The following DYRK1A variants were observed in gnomAD, a reference collection of about 807,000 sequenced individuals.
DYRK1A encodes dual specificity tyrosine-phosphorylation-regulated kinase 1A.
In DYRK1A, 9 loss-of-function variants were observed where a neutral mutation model predicts 79.7. That is an observed-to-expected ratio of 0.11 (90% CI 0.07 to 0.20). The LOEUF is 0.20. DYRK1A is among the 10% of genes least tolerant of loss of function. DYRK1A has a pLI of 1.00. For synonymous variants in DYRK1A, 349 were observed against 329.7 expected (o/e 1.06, Z -0.63); for missense variants, 622 against 956.0 (o/e 0.65, Z 4.61).
intron 4 of DYRK1A, among the ~76,000 whole-genome samples, chr21:37,479,619 G>GTTTTTGTTT (rs2052550822): frequency 6.8e-5 from 5 of 73,920 alleles, no homozygotes; most frequent in South Asian, 1.2e-3. Context: ...TTTGTTTTTT[G>GTTTTTGTTT]TTTTTTTTTT....
At position 37,493,089 on chromosome 21, in the gene DYRK1A, A is replaced by G; in HGVS notation, c.997A>G (p.Ile333Val). ...ACTGGGAATGCCTTATGACCTTGCCATTGATATGTGGTCCCTCGGGTGTAT... is the reference window on the plus strand; with the variant it reads ...ACTGGGAATGCCTTATGACCTTGCCGTTGATATGTGGTCCCTCGGGTGTAT... Reference protein sequence around the residue: ...VLLGMPYDLAIDMWSLGCILV... With the variant: ...VLLGMPYDLAVDMWSLGCILV... The change falls in exon 8 of 12, where the codon ATT (isoleucine) becomes GTT (valine). Residue 333 changes from isoleucine (I) to valine (V), a missense_variant. Ile to Val is a conservative substitution (Grantham distance 29, BLOSUM62 3). Coordinates refer to ENST00000647188, the MANE Select transcript of DYRK1A (RefSeq NM_001347721.2). The G allele has an allele frequency of 6.3e-7, 1 of 1,599,268 alleles. No homozygotes were observed. Among genetic ancestry groups the G allele is most frequent in the Non-Finnish European group, 8.5e-7 (1 of 1,171,654 alleles).
chr21:37,487,986 C>G (rs2052934006), intron 6 of DYRK1A: 1 of 152,036 alleles, frequency 6.6e-6, no homozygotes, highest in East Asian at 1.9e-4. Flanking sequence ...CTGAACATGC[C>G]TCCTGCCTTC....
intron 1 of DYRK1A, among the ~76,000 whole-genome samples, chr21:37,405,344 G>C (rs2050128478): frequency 6.6e-6 from 1 of 152,156 alleles, no homozygotes; most frequent in Non-Finnish European, 1.5e-5. Context: ...CTAGTCTCCT[G>C]CATCCTTTTC....
intron 2 of DYRK1A, among the ~76,000 whole-genome samples, chr21:37,455,163 A>G (rs2051595045): frequency 1.3e-5 from 2 of 151,906 alleles, no homozygotes; most frequent in Non-Finnish European, 2.9e-5. Context: ...TTAACTACAC[A>G]GTGATTCTAC....
intron 1 of DYRK1A, among the ~76,000 whole-genome samples, chr21:37,385,036 C>T (rs1171530362): frequency 6.6e-6 from 1 of 151,782 alleles, no homozygotes; most frequent in Non-Finnish European, 1.5e-5. Context: ...ACATCTTGGA[C>T]GTGAGGTTTG....
At chr21:37,395,499 C>T (rs1038239548) in intron 1 of DYRK1A, among the ~76,000 whole-genome samples, 1 of 152,068 alleles carries the variant, frequency 6.6e-6, no homozygotes, top group Admixed American at 6.6e-5. Flanking sequence ...GTTAATCTTA[C>T]CTGACAAAAC....
intron 9 of DYRK1A, among the ~76,000 whole-genome samples, chr21:37,497,871 T>A (rs2053320287): frequency 6.6e-6 from 1 of 152,208 alleles, no homozygotes; most frequent in South Asian, 2.1e-4. Context: ...ATTAACTAGA[T>A]TTTTATGAGA....
intron 1 of DYRK1A, among the ~76,000 whole-genome samples, chr21:37,379,807 G>C (rs1415555439): frequency 6.6e-6 from 1 of 152,130 alleles, no homozygotes; most frequent in African/African-American, 2.4e-5. Context: ...ATCCTAATTG[G>C]AAGACTGGTT....
rs565089903 is a variant in DYRK1A, at chr21:37,439,917, C to T, written c.10+19533C>T. ...TACTGATTGATTTCTTAATGTTAAA[C>T]TGATAATAGTGTTTGCTGAAATAAA... is the stretch of plus-strand genomic sequence containing the variant. On this transcript the variant is annotated intron_variant, in intron 2 of 11. Transcript: ENST00000647188. Among the ~76,000 whole-genome samples the T allele has an allele frequency of 8.6e-5, 13 of 151,922 alleles. No individual in the cohort carries two copies. The South Asian group carries it at 2.7e-3, about 32-fold the overall frequency.
intron 11 of DYRK1A, among the ~76,000 whole-genome samples, chr21:37,508,130 C>T (rs948546450): frequency 2.0e-5 from 3 of 152,310 alleles, no homozygotes; most frequent in East Asian, 3.9e-4. Flanking sequence ...TTCACCACAT[C>T]TTAATACGTT....
intron 2 of DYRK1A, among the ~76,000 whole-genome samples, chr21:37,463,339 A>G (rs1201346314): frequency 6.6e-6 from 1 of 152,264 alleles, no homozygotes; most frequent in Admixed American, 6.5e-5. Context: ...GACTTTTTGC[A>G]TAGTCACAGT....
In DYRK1A at chr21:37,525,672, T is replaced by G. The variant is rs1390512306; in HGVS notation, c.*13141T>G. ...CAACAGATACTTTGTGAGAAATATT[T>G]GAATCTATCATGCATTATTGAACCA... is the stretch of plus-strand genomic sequence containing the variant. On this transcript the variant is annotated 3_prime_UTR_variant, in exon 12 of 12. Transcript: ENST00000647188. 2.0e-5 allele frequency: 3 copies of G among 152,276 alleles called. No homozygotes were observed. Among genetic ancestry groups the G allele is most frequent in the Non-Finnish European group, 2.9e-5 (2 of 68,036 alleles). 9.4% of individuals were successfully genotyped at this position (152,276 alleles called of 1,614,324 possible). A position where few individuals can be genotyped will look rare whatever the true frequency, so the allele number is the denominator to read the frequency against.
chr21:37,481,984 C>T (rs748595123), intron 5 of DYRK1A, among the ~76,000 whole-genome samples: 1 of 152,200 alleles, frequency 6.6e-6, no homozygotes, highest in Non-Finnish European at 1.5e-5. Context: ...GTCTCCTCTG[C>T]CTTGCAGCCC....
chr21:37,488,948 AG>A (rs2052975537), intron 6 of DYRK1A: 18 of 839,512 alleles, frequency 2.1e-5, no homozygotes, highest in Non-Finnish European at 2.6e-5. Flanking sequence ...GTAACATTTA[AG>A]GATTCCTTTT....
intron 8 of DYRK1A, among the ~76,000 whole-genome samples, chr21:37,495,816 T>A (rs985250023): frequency 4.6e-5 from 7 of 152,122 alleles, no homozygotes; most frequent in Non-Finnish European, 8.8e-5. Flanking sequence ...AAAATTTTTT[T>A]AATAAAATTC....
chr21:37,490,975 A>G (rs977328128), intron 7 of DYRK1A, among the ~76,000 whole-genome samples: 2 of 152,140 alleles, frequency 1.3e-5, no homozygotes, highest in African/African-American at 4.8e-5. Context: ...AGATGGATCA[A>G]GATAAATCTT....
intron 1 of DYRK1A, among the ~76,000 whole-genome samples, chr21:37,376,987 T>C (rs1317863777): frequency 6.6e-6 from 1 of 152,242 alleles, no homozygotes; most frequent in Non-Finnish European, 1.5e-5. Context: ...TAGAAAACTA[T>C]GTATGATTCC....
chr21:37,471,839 A>G (rs1052762383), intron 2 of DYRK1A, among the ~76,000 whole-genome samples: 1 of 152,166 alleles, frequency 6.6e-6, no homozygotes, highest in Non-Finnish European at 1.5e-5. Flanking sequence ...AGTATTTTGA[A>G]TCTAGTCATT....
At chr21:37,408,750 A>G (rs989354279) in intron 1 of DYRK1A, among the ~76,000 whole-genome samples, 1 of 152,200 alleles carries the variant, frequency 6.6e-6, no homozygotes, top group Non-Finnish European at 1.5e-5. Flanking sequence ...ATTTTAACTC[A>G]CATTTGTTTC....
Sources: allele counts gnomAD v4.1 joint callset (sites outside exome capture counted in the v4.1 genomes callset), GRCh38; gene constraint gnomAD v4.1.1; transcripts MANE v1.5; gene names NCBI Gene and HGNC (gene_info 2026-07-23, HGNC 2026-07-21).